Variants in FLNB observed in about 807,000 individuals in gnomAD.
FLNB encodes filamin-B.
In FLNB, 111 loss-of-function variants were observed where a neutral mutation model predicts 250.6. The observed-to-expected ratio is 0.44, with a 90% CI of 0.38 to 0.52. The LOEUF (loss-of-function observed/expected upper bound fraction) is 0.52. Ranked by LOEUF, FLNB falls within the 20% of genes least tolerant of loss-of-function variation. The pLI, the probability that FLNB is intolerant of heterozygous loss-of-function variation, is 0.00. For synonymous variants in FLNB, 1,302 were observed against 1,372.1 expected (o/e 0.95, Z 1.13); for missense variants, 2,869 against 3,447.8 (o/e 0.83, Z 4.20).
chr3:58,169,823 G>GGGGC lies in FLNB; in HGVS notation c.7621+30_7621+31insGGGC. 1 of 1,436,454 alleles carries GGGGC rather than the reference G, an allele frequency of 7.0e-7. No homozygotes were observed. Among genetic ancestry groups the GGGGC allele is most frequent in the Non-Finnish European group, 9.7e-7 (1 of 1,025,696 alleles). The allele number at this position is 1,436,454 out of a possible 1,614,324, so 89.0% of individuals were successfully genotyped here. A position where few individuals can be genotyped will look rare whatever the true frequency, so the allele number is the denominator to read the frequency against. On this transcript the variant is annotated intron_variant, in intron 45 of 45. Transcript: ENST00000295956. This position sits in a 1 kb window ranked among gnomAD's most constrained non-coding sequence, Gnocchi z 4.8. The stretch of plus-strand genomic sequence containing the variant: ...GTGTCTGGGCCTTTTCAAGGGTGGG[G>GGGGC]TGGGGCAGGGGCAGGCTGGGCACCC...
Position 58,109,625 on chromosome 3 carries a change from C to T in FLNB, c.2249C>T (p.Pro750Leu), listed in dbSNP as rs1478399022. The T allele has an allele frequency of 6.2e-7, 1 of 1,613,996 alleles. No homozygotes were observed. Among genetic ancestry groups the T allele is most frequent in the African/African-American group, 1.3e-5 (1 of 74,892 alleles). Reference protein sequence around the residue: ...SHPQKVKVFGPGVERSGLKAN... With the variant: ...SHPQKVKVFGLGVERSGLKAN... ...CCTCAGAAGGTCAAAGTGTTTGGGC[C>T]AGGTGTGGAGAGAAGTGGTCTGAAG... The change falls in exon 15 of 46, where the codon CCA becomes CTA. Residue 750 changes from proline (P) to leucine (L), a missense_variant. Around this residue, in one of 5 missense-constraint regions of FLNB, gnomAD observed 1,348 missense variants for 1,466.7 expected, o/e 0.92. Transcript: ENST00000295956.
intron 1 of FLNB, among the ~76,000 whole-genome samples, chr3:58,017,294 A>G (rs1176842037): frequency 6.6e-6 from 1 of 152,192 alleles, no homozygotes; most frequent in Non-Finnish European, 1.5e-5. Context: ...CTTGTCATCC[A>G]GGCTGGAGTG....
chr3:58,042,965 G>A (rs9828322), intron 1 of FLNB, among the ~76,000 whole-genome samples: 6,200 of 152,102 alleles, frequency 0.041, 408 homozygotes, highest in African/African-American at 0.14. Context: ...GGGCCATGTC[G>A]TGCTGTTGAG....
intron 32 of FLNB, 46 bp from the exon 33 acceptor site, chr3:58,145,875 A>G: frequency 6.2e-7 from 1 of 1,613,568 alleles, no homozygotes; most frequent in African/African-American, 1.3e-5. Flanking sequence ...GTCTTCGTTC[A>G]CCCCTTAATG....
Position 58,169,322 on chromosome 3 carries a change from G to A in FLNB, c.7418-268G>A. 1.9e-6 allele frequency: 1 copy of A among 513,068 alleles called. No individual in the cohort carries two copies. Among genetic ancestry groups the A allele is most frequent in the Non-Finnish European group, 3.5e-6 (1 of 282,448 alleles). The allele number at this position is 513,068 out of a possible 1,614,324, so 31.8% of individuals were successfully genotyped here. On this transcript the variant is annotated intron_variant, in intron 44 of 45. Coordinates refer to ENST00000295956, the MANE Select transcript of FLNB (RefSeq NM_001457.4). The surrounding 1 kb of genome is among the most constrained non-coding windows in gnomAD (Gnocchi z 4.8). ...TCCACAGGCACATCTTTGGTGGGTA[G>A]GGGGTGGGGGGATTGGGAGGGTCCT...
In FLNB at chr3:58,163,426, G is replaced by C. The variant is rs150224681; in HGVS notation, c.7198+96G>C. The C allele has an allele frequency of 7.7e-6, 10 of 1,300,990 alleles. No homozygotes were observed. In the African/African-American group the frequency reaches 1.0e-4, roughly 13 times the overall value. 80.6% of individuals were successfully genotyped at this position (1,300,990 alleles called of 1,614,324 possible). ...CAAGCCCCATGAAAGCTTTTTACAC[G>C]TACTCCCCGTGGAAACTGGGGTCAT... On this transcript the variant is annotated intron_variant, in intron 43 of 45. Coordinates refer to ENST00000295956, the MANE Select transcript of FLNB (RefSeq NM_001457.4).
chr3:58,125,201 C>T (rs1218741395), intron 22 of FLNB, among the ~76,000 whole-genome samples: 2 of 152,026 alleles, frequency 1.3e-5, no homozygotes, highest in East Asian at 1.9e-4. Context: ...GGTGTGATCA[C>T]GGCTCACTGC....
rs755713308 is a variant in FLNB at position 58,123,235 on chromosome 3, A to G, written c.3269A>G (p.Asn1090Ser). ...PCEAKIECSDNGDGTCSVSYL... is the reference protein window; with the variant it reads ...PCEAKIECSDSGDGTCSVSYL... Reference sequence around the variant, plus strand: ...GAGGCCAAAATCGAGTGCTCCGACAATGGTGATGGGACCTGCTCCGTCTCT... The same window carrying G: ...GAGGCCAAAATCGAGTGCTCCGACAGTGGTGATGGGACCTGCTCCGTCTCT... Residue 1090 changes from asparagine (N) to serine (S), a missense_variant, in exon 21 of 46, where the codon AAT becomes AGT. Transcript: ENST00000295956. 17 of 1,614,042 alleles carry G rather than the reference A, an allele frequency of 1.1e-5. No individual in the cohort carries two copies. The highest frequency in any genetic ancestry group is 8.3e-5 in the Admixed American group (5 of 60,008).
At position 58,098,775 on chromosome 3, in the gene FLNB, G is replaced by A. The variant is rs150637036; in HGVS notation, c.1212G>A (p.Leu404=). The A allele has an allele frequency of 6.2e-7, 1 of 1,614,082 alleles. No homozygotes were observed. Among genetic ancestry groups the A allele is most frequent in the African/African-American group, 1.3e-5 (1 of 74,924 alleles). ...CCCAGGGGAAGAACACCGTGGAGTTGCTCGTGGAAGACAAAGGAAACCAGG... is the reference window on the plus strand; with the variant it reads ...CCCAGGGGAAGAACACCGTGGAGTTACTCGTGGAAGACAAAGGAAACCAGG... ...EDPQGKNTVE[L]LVEDKGNQVY... Residue 404 remains leucine, a synonymous_variant, in exon 8 of 46, where the codon TTG becomes TTA. Coordinates refer to ENST00000295956, the MANE Select transcript of FLNB (RefSeq NM_001457.4).
intron 1 of FLNB, among the ~76,000 whole-genome samples, chr3:58,029,805 G>A (rs7428893): frequency 0.71 from 107,751 of 151,844 alleles, 38,775 homozygotes; most frequent in East Asian, 0.94. Flanking sequence ...GAGCCACTGC[G>A]TCCAGCCAAG....
chr3:58,077,418 A>C, intron 2 of FLNB, 124 bp downstream of exon 2: 1 of 1,257,752 alleles, frequency 8.0e-7, no homozygotes, highest in Non-Finnish European at 1.1e-6. Flanking sequence ...GTCTTAGCCC[A>C]TTATAAGCCC....
chr3:58,078,885 G>A (rs1373602151), intron 3 of FLNB, 71 bp downstream of exon 3: 3 of 1,171,960 alleles, frequency 2.6e-6, no homozygotes, highest in Admixed American at 1.9e-5. Context: ...TGCCTTCCCG[G>A]GTCAGGCAGC....
chr3:58,150,250 G>T, intron 38 of FLNB, 23 bp downstream of exon 38: 1 of 1,614,060 alleles, frequency 6.2e-7, no homozygotes, highest in South Asian at 1.1e-5. Flanking sequence ...GACTAGTAGG[G>T]TGGGGAAGCC....
chr3:58,133,141 A>G lies in FLNB; in HGVS notation c.4514+210A>G, dbSNP rs575173237. On this transcript the variant is annotated intron_variant, in intron 26 of 45. Coordinates refer to ENST00000295956, the MANE Select transcript of FLNB (RefSeq NM_001457.4). ...CATCATTCCATCCATCCACCCATCC[A>G]TTCCTCCATCAGTCCGTCTACCCAT... Among the ~76,000 whole-genome samples the G allele has an allele frequency of 1.2e-4, 19 of 152,152 alleles. No homozygotes were observed. In the East Asian group the frequency reaches 2.7e-3, roughly 22 times the overall value.
rs10571409 is a variant in FLNB at position 58,103,265 on chromosome 3, GGTGTGTGT to G, written c.1484-672_1484-665del. 1.0e-4 allele frequency among the ~76,000 whole-genome samples: 15 copies of G among 148,172 alleles called. No individual in the cohort carries two copies. The South Asian group carries it at 1.1e-3, about 11-fold the overall frequency. ...GATTATTCCAACAGGAGCCAAGGAG[GGTGTGTGT>G]GTGTGTGTGTGTGTGTGTGTGCACG... is the stretch of plus-strand genomic sequence containing the variant. On this transcript the variant is annotated intron_variant, in intron 9 of 45. Coordinates refer to ENST00000295956, the MANE Select transcript of FLNB (RefSeq NM_001457.4).
At position 58,153,423 on chromosome 3, in the gene FLNB, G is replaced by A. The variant is rs578244438; in HGVS notation, c.6416G>A (p.Arg2139His). 6.0e-5 allele frequency: 97 copies of A among 1,614,196 alleles called. No homozygotes were observed. The highest frequency in any genetic ancestry group is 2.2e-4 in the Admixed American group (13 of 60,034). The part of the protein sequence containing the change: ...MSAHVTSPSG[R>H]VTEAEIVPMG... ...GCCCACGTCACCAGCCCCTCTGGCC[G>A]TGTGACTGAGGCAGAGATTGTGCCC... The change falls in exon 39 of 46, where the codon CGT becomes CAT. Residue 2139 changes from arginine to histidine, a missense_variant. By Grantham distance (29) the Arg-to-His change is conservative. Coordinates refer to ENST00000295956, the MANE Select transcript of FLNB (RefSeq NM_001457.4).
At chr3:58,103,866 T>C in intron 9 of FLNB, 93 bp from the exon 10 acceptor site, 1 of 1,470,764 alleles carries the variant, frequency 6.8e-7, no homozygotes, top group Non-Finnish European at 9.4e-7. Context: ...GTTTATGTTT[T>C]GTTCAGTGTG....
chr3:58,062,023 G>A (rs546235663), intron 1 of FLNB, among the ~76,000 whole-genome samples: 20 of 151,386 alleles, frequency 1.3e-4, no homozygotes, highest in African/African-American at 4.4e-4. Flanking sequence ...CCTGGGAGGC[G>A]GAGGTTGCAG....
chr3:58,060,769 CAAAAAAAAAAAAA>C (rs71091334), intron 1 of FLNB, among the ~76,000 whole-genome samples: 9 of 64,212 alleles, frequency 1.4e-4, no homozygotes, highest in East Asian at 9.6e-4. Context: ...GACCTTGTCT[CAAAAAAAAAAAAA>C]AAAAAAAAAA....
Sources: allele counts gnomAD v4.1 joint callset (sites outside exome capture counted in the v4.1 genomes callset), GRCh38; gene constraint gnomAD v4.1.1; regional missense constraint gnomAD v4.1.1; non-coding constraint Gnocchi (gnomAD v3.1); transcripts MANE v1.5; gene names NCBI Gene and HGNC (gene_info 2026-07-23, HGNC 2026-07-21).